Variants in LONP1 observed in about 807,000 individuals in gnomAD.
The protein encoded by LONP1 is lon peptidase 1, mitochondrial.
A neutral mutation model predicts 98.5 loss-of-function variants in LONP1; 31 were observed. The ratio of observed to expected loss-of-function variants is 0.31; its 90% CI spans 0.24 to 0.42. The LOEUF is 0.42. LONP1 is among the 20% of genes least tolerant of loss of function. The pLI is 1.00. For missense variants in LONP1, 1,336 were observed against 1,350.6 expected, an observed-to-expected ratio of 0.99 and a Z score of 0.17; for synonymous variants, 781 against 594.7, an observed-to-expected ratio of 1.31 and a Z score of -4.56.
intron 4 of LONP1, among the ~76,000 whole-genome samples, chr19:5,709,418 T>G (rs1450093158): frequency 2.6e-5 from 4 of 151,512 alleles, no homozygotes; most frequent in Non-Finnish European, 5.9e-5. Context: ...GGAGAATCAC[T>G]TGAACCCAGG....
At chr19:5,720,182 G>A (rs1305775743), upstream of LONP1, 3 of 1,383,532 alleles carry the variant, frequency 2.2e-6, no homozygotes, top group Non-Finnish European at 2.8e-6. Context: ...TCCGCTCGCC[G>A]CGAAACGCAC....
At chr19:5,705,687 T>TC in intron 8 of LONP1, 85 bp downstream of exon 8, 1 of 1,242,838 alleles carries the variant, frequency 8.0e-7, no homozygotes, top group Non-Finnish European at 1.1e-6. Flanking sequence ...GCCACGGGGC[T>TC]CCCCGCTGGG....
At chr19:5,692,824 C>T (rs1170289971) in intron 17 of LONP1, among the ~76,000 whole-genome samples, 1 of 151,684 alleles carries the variant, frequency 6.6e-6, no homozygotes, top group Non-Finnish European at 1.5e-5. Flanking sequence ...GTGGCATCTC[C>T]TGACTGACTG....
chr19:5,695,952 C>G (rs1457281308), intron 13 of LONP1, 102 bp downstream of exon 13: 5 of 1,016,822 alleles, frequency 4.9e-6, no homozygotes, highest in African/African-American at 1.6e-5. Context: ...TCCCACCTGT[C>G]TCTCCCGGGC....
In LONP1 at chr19:5,713,169, C is replaced by G. The variant is rs2055264006; in HGVS notation, c.603G>C (p.Gly201=). The change falls in exon 3 of 18, where the codon GGG becomes GGC. Residue 201 remains glycine, a synonymous_variant. Coordinates refer to ENST00000360614, the MANE Select transcript of LONP1 (RefSeq NM_004793.4). ...FAQIHEMQDL[G]DKLRMIVMGH... Reference sequence around the variant, plus strand: ...CCATGACGATCATGCGCAGCTTGTCCCCAAGGTCCTGCATCTCATGGATCT... The same window carrying G: ...CCATGACGATCATGCGCAGCTTGTCGCCAAGGTCCTGCATCTCATGGATCT... 5 of 1,614,156 alleles carry G rather than the reference C, an allele frequency of 3.1e-6. No individual in the cohort carries two copies. Among genetic ancestry groups the G allele is most frequent in the Non-Finnish European group, 4.2e-6 (5 of 1,180,028 alleles).
chr19:5,718,303 C>T (rs1448119165), intron 1 of LONP1, among the ~76,000 whole-genome samples: 1 of 151,964 alleles, frequency 6.6e-6, no homozygotes, highest in Non-Finnish European at 1.5e-5. Flanking sequence ...CATGGTGAAA[C>T]CCTGTCTCTT....
At position 5,694,560 on chromosome 19, in the gene LONP1, G is replaced by A. The variant is rs751973596; in HGVS notation, c.2155-8C>T. 3.7e-6 allele frequency: 6 copies of A among 1,612,210 alleles called. 1 individual carries two copies. The Middle Eastern group carries it at 6.6e-4, about 178-fold the overall frequency. On this transcript the variant is annotated splice_region_variant and splice_polypyrimidine_tract_variant and intron_variant, in intron 14 of 17. Coordinates refer to ENST00000360614, the MANE Select transcript of LONP1 (RefSeq NM_004793.4). ...GGCCGATTTCCGTAACACCTGGGCG[G>A]TCAGGGCAACACAATGGGCACGGGA... is the stretch of plus-strand genomic sequence containing the variant.
chr19:5,707,187 T>C (rs1412045849), intron 6 of LONP1, 44 bp from the exon 7 acceptor site: 2 of 1,555,356 alleles, frequency 1.3e-6, no homozygotes, highest in Non-Finnish European at 1.8e-6. Flanking sequence ...GAAGTCGGCA[T>C]CTGTGTGTGT....
At position 5,693,416 on chromosome 19, in the gene LONP1, G is replaced by A. The variant is rs753412799; in HGVS notation, c.2585C>T (p.Thr862Met). The A allele has an allele frequency of 1.1e-5, 18 of 1,612,642 alleles. No individual in the cohort carries two copies. The highest frequency in any genetic ancestry group is 3.3e-5 in the Admixed American group (2 of 60,014). Residue 862 changes from threonine to methionine, a missense_variant, in exon 17 of 18, where the codon ACG (threonine) becomes ATG (methionine). By Grantham distance (81) the Thr-to-Met change is moderately conservative (BLOSUM62 -1). Coordinates refer to ENST00000360614, the MANE Select transcript of LONP1 (RefSeq NM_004793.4). ...GCCCATGGCCAGGGACAGCAGGGCC[G>A]TGACGATGGTGCAGCCTGCGCTTGG... ...DGPSAGCTIV[T>M]ALLSLAMGRP... is the part of the protein sequence containing the mutation.
chr19:5,696,535 C>G, intron 11 of LONP1, 135 bp downstream of exon 11: 2 of 1,280,916 alleles, frequency 1.6e-6, no homozygotes, highest in East Asian at 2.4e-5. Context: ...GGGAGGGACC[C>G]GTCCGTGCCA....
chr19:5,693,353 A>G lies in LONP1; in HGVS notation c.2648T>C (p.Val883Ala). 1.2e-6 allele frequency: 2 copies of G among 1,613,256 alleles called. No individual in the cohort carries two copies. The highest frequency in any genetic ancestry group is 1.7e-6 in the Non-Finnish European group (2 of 1,179,792). ...AGGCAGGATCTTGCCCGTGAGGGAG[A>G]CTTCGCCAGTCATGGCCAGATTCTG... ...VRQNLAMTGE[V>A]SLTGKILPVG... Residue 883 changes from valine (V) to alanine (A), a missense_variant, in exon 17 of 18, where the codon GTC becomes GCC. Physicochemically the swap from Val to Ala is moderately conservative, Grantham distance 64. Around this residue, in one of 5 missense-constraint regions of LONP1, gnomAD observed 555 missense variants for 542.6 expected, o/e 1.02. Coordinates refer to ENST00000360614, the MANE Select transcript of LONP1 (RefSeq NM_004793.4).
chr19:5,696,755 C>T lies in LONP1; in HGVS notation c.1688G>A (p.Arg563Gln). 1 of 1,611,848 alleles carries T rather than the reference C, an allele frequency of 6.2e-7. No individual in the cohort carries two copies. The highest frequency in any genetic ancestry group is 8.5e-7 in the Non-Finnish European group (1 of 1,178,830). ...TDVAEIKGHR[R>Q]TYVGAMPGKI... ...CCCGGGCATGGCGCCCACGTAGGTCCGCCTGTGGGTGCACAGCGGGGTCAG... is the reference window on the plus strand; with the variant it reads ...CCCGGGCATGGCGCCCACGTAGGTCTGCCTGTGGGTGCACAGCGGGGTCAG... Residue 563 changes from arginine to glutamine, a missense_variant and splice_region_variant, in exon 11 of 18, where the codon CGG becomes CAG. Physicochemically the swap from Arg to Gln is conservative, Grantham distance 43. Coordinates refer to ENST00000360614, the MANE Select transcript of LONP1 (RefSeq NM_004793.4).
rs978898788 is a variant in LONP1, at chr19:5,692,051, G to A, written c.2861C>T (p.Ala954Val). 8 of 1,613,358 alleles carry A rather than the reference G, an allele frequency of 5.0e-6. No individual in the cohort carries two copies. The highest frequency in any genetic ancestry group is 1.7e-5 in the Admixed American group (1 of 59,950). Residue 954 changes from alanine to valine, a missense_variant, in exon 18 of 18, where the codon GCG becomes GTG. Physicochemically the swap from Ala to Val is moderately conservative, Grantham distance 64 (BLOSUM62 0). Transcript: ENST00000360614. Reference sequence around the variant, plus strand: ...TGGCCGTCACCGTTCCACGGCCAGCGCCTCTGCCTGCTCGTCCGGGAAGGC... The same window carrying A: ...TGGCCGTCACCGTTCCACGGCCAGCACCTCTGCCTGCTCGTCCGGGAAGGC... ...DIAFPDEQAE[A>V]LAVER is the part of the protein sequence containing the mutation.
chr19:5,694,650 G>GGTGGGGTGATGGGCGCAGGAAA, intron 14 of LONP1, 98 bp from the exon 15 acceptor site: 1 of 1,564,818 alleles, frequency 6.4e-7, no homozygotes. Flanking sequence ...GGCGCGGGGT[G>GGTGGGGTGATGGGCGCAGGAAA]GTGGGGTGAT....
At chr19:5,701,529 C>T (rs2055043581) in intron 8 of LONP1, among the ~76,000 whole-genome samples, 1 of 152,298 alleles carries the variant, frequency 6.6e-6, no homozygotes, top group Admixed American at 6.5e-5. Flanking sequence ...GACGGGGTTT[C>T]ACTGTGTTGG....
chr19:5,714,052 C>T, intron 2 of LONP1, 131 bp downstream of exon 2: 1 of 655,802 alleles, frequency 1.5e-6, no homozygotes, highest in Non-Finnish European at 2.6e-6. Flanking sequence ...TGGCTTCTGG[C>T]CTTTATTCTG....
chr19:5,695,771 C>A (rs1413576992), intron 13 of LONP1, among the ~76,000 whole-genome samples: 1 of 152,224 alleles, frequency 6.6e-6, no homozygotes, highest in African/African-American at 2.4e-5. Context: ...GGTGGGGGCC[C>A]CACCATGGGG....
chr19:5,711,219 C>T (rs916791687), intron 4 of LONP1, among the ~76,000 whole-genome samples: 2 of 152,192 alleles, frequency 1.3e-5, no homozygotes, highest in African/African-American at 4.8e-5. Context: ...TGACACCAGG[C>T]ACACAGGTAA....
chr19:5,696,545 A>G (rs892861507), intron 11 of LONP1, 125 bp downstream of exon 11: 3 of 1,285,378 alleles, frequency 2.3e-6, no homozygotes, highest in Non-Finnish European at 3.2e-6. Context: ...CGTCCGTGCC[A>G]TCAGGGCCAG....
Sources: gnomAD v4.1 joint callset for allele counts (sites outside exome capture counted in the v4.1 genomes callset) on GRCh38, gnomAD v4.1.1 for gene constraint, gnomAD v4.1.1 regional missense constraint, MANE v1.5 for transcripts, NCBI Gene and HGNC (gene_info 2026-07-23, HGNC 2026-07-21) for gene names.